The following ITCH variants were observed in gnomAD, a reference collection of about 807,000 sequenced individuals.
ITCH encodes the protein E3 ubiquitin-protein ligase Itchy homolog.
In ITCH, 28 loss-of-function variants were observed where a neutral mutation model predicts 126.8. The observed-to-expected ratio is 0.22, with a 90% confidence interval of 0.16 to 0.30. ITCH has a LOEUF of 0.30. ITCH is among the 10% of genes least tolerant of loss of function. The probability of loss-of-function intolerance (pLI) is 1.00; values close to 1 mark genes in which losing one functional copy is unlikely to be tolerated. For missense variants in ITCH, 631 were observed against 1,032.4 expected, an observed-to-expected ratio of 0.61 and a Z score of 5.33; for synonymous variants, 342 against 340.0, an observed-to-expected ratio of 1.01 and a Z score of -0.06.
intron 14 of ITCH, among the ~76,000 whole-genome samples, chr20:34,467,059 A>G (rs1195299358): frequency 4.6e-5 from 7 of 152,200 alleles, no homozygotes; most frequent in Admixed American, 4.6e-4. Context: ...AAAAAGAGGG[A>G]CATCACTGTA....
intron 17 of ITCH, among the ~76,000 whole-genome samples, chr20:34,479,133 A>C (rs1341482893): frequency 6.6e-6 from 1 of 152,202 alleles, no homozygotes; most frequent in Non-Finnish European, 1.5e-5. Flanking sequence ...TGAAATTGGA[A>C]GAATTTTCAT....
chr20:34,403,846 A>T (rs1230799512), intron 3 of ITCH, among the ~76,000 whole-genome samples: 1 of 152,212 alleles, frequency 6.6e-6, no homozygotes, highest in Non-Finnish European at 1.5e-5. Flanking sequence ...CAGCATGTTT[A>T]GAGGAATGAA....
At chr20:34,417,711 T>TTC (rs1194620827) in intron 6 of ITCH, among the ~76,000 whole-genome samples, 1 of 148,736 alleles carries the variant, frequency 6.7e-6, no homozygotes, top group Non-Finnish European at 1.5e-5. Context: ...AGCTTTTTTT[T>TTC]TTTTTTTTTT....
chr20:34,461,031 C>G (rs1211650651), intron 13 of ITCH, among the ~76,000 whole-genome samples: 1 of 151,974 alleles, frequency 6.6e-6, no homozygotes, highest in Non-Finnish European at 1.5e-5. Flanking sequence ...TTAAAAGAAT[C>G]TTTTTTTGAG....
chr20:34,450,012 C>T (rs1012074730), intron 12 of ITCH, among the ~76,000 whole-genome samples: 22 of 152,138 alleles, frequency 1.4e-4, no homozygotes, highest in Admixed American at 2.6e-4. Flanking sequence ...CCATCAAGAT[C>T]CACAAGATGA....
chr20:34,495,953 C>G (rs982529046), intron 23 of ITCH, among the ~76,000 whole-genome samples: 3 of 143,110 alleles, frequency 2.1e-5, no homozygotes, highest in Admixed American at 1.4e-4. Context: ...AAAAAATTAG[C>G]TGAGAGTGGT....
intron 3 of ITCH, among the ~76,000 whole-genome samples, chr20:34,396,040 T>A (rs923999218): frequency 1.3e-5 from 2 of 150,718 alleles, no homozygotes; most frequent in Non-Finnish European, 1.5e-5. Context: ...TTATTATTTT[T>A]TTTTTTTTTT....
intron 10 of ITCH, among the ~76,000 whole-genome samples, chr20:34,443,339 G>A (rs1204015529): frequency 2.0e-5 from 3 of 151,674 alleles, no homozygotes; most frequent in East Asian, 1.9e-4. Flanking sequence ...TTGAAACCCC[G>A]TCTCTACTAA....
At chr20:34,414,373 T>A (rs952215691) in intron 6 of ITCH, among the ~76,000 whole-genome samples, 2 of 151,528 alleles carry the variant, frequency 1.3e-5, no homozygotes, top group African/African-American at 2.4e-5. Flanking sequence ...ATGGGTTAGA[T>A]GCCACACCGC....
At chr20:34,412,422 A>G in intron 4 of ITCH, 93 bp from the exon 5 acceptor site, 1 of 956,884 alleles carries the variant, frequency 1.0e-6, no homozygotes, top group East Asian at 2.6e-5. Flanking sequence ...CAGTGAGAAG[A>G]CTTTAGACTT....
intron 10 of ITCH, among the ~76,000 whole-genome samples, chr20:34,443,747 G>T (rs1056107762): frequency 3.3e-5 from 5 of 152,120 alleles, no homozygotes; most frequent in Non-Finnish European, 7.4e-5. Context: ...CACTTTGGGG[G>T]GACAAGGTAG....
chr20:34,370,894 C>A (rs1049647353), intron 2 of ITCH, among the ~76,000 whole-genome samples: 1 of 151,942 alleles, frequency 6.6e-6, no homozygotes, highest in Non-Finnish European at 1.5e-5. Flanking sequence ...TGAGGCTGGG[C>A]GCGGTGGCTC....
In ITCH at chr20:34,492,560, C is replaced by T. The variant is rs776612043; in HGVS notation, c.2379C>T (p.Thr793=). 3 of 1,612,916 alleles carry T rather than the reference C, an allele frequency of 1.9e-6. No homozygotes were observed. The highest frequency in any genetic ancestry group is 2.2e-5 in the East Asian group (1 of 44,870). Residue 793 remains threonine (T), a synonymous_variant, in exon 23 of 25, where the codon ACC becomes ACT. Coordinates refer to ENST00000374864, the MANE Select transcript of ITCH (RefSeq NM_031483.7). ...GACTTCTGCAGTTTGTTACTGGAAC[C>T]TGCCGATTGCCAGTAGGAGGATTTG... ...RMRLLQFVTG[T]CRLPVGGFAD... is the part of the protein sequence containing the mutation.
Position 34,510,879 on chromosome 20 carries a change from A to G in ITCH, c.*3085A>G, listed in dbSNP as rs1978725847. ...TCATCAAGAGATTGACATACCAATG[A>G]TCAGAAATTTTAGTGAAACTTGACT... On this transcript the variant is annotated 3_prime_UTR_variant, in exon 25 of 25. Transcript: ENST00000374864. 1 of 152,216 alleles carries G rather than the reference A, an allele frequency of 6.6e-6. No homozygotes were observed. The highest frequency in any genetic ancestry group is 1.5e-5 in the Non-Finnish European group (1 of 68,030). The allele number at this position is 152,216 out of a possible 1,614,324, so 9.4% of individuals were successfully genotyped here.
chr20:34,481,050 A>G lies in ITCH; in HGVS notation c.1953-16A>G, dbSNP rs759979991. 4.3e-6 allele frequency: 7 copies of G among 1,612,584 alleles called. 1 individual carries two copies. Among genetic ancestry groups the G allele is most frequent in the East Asian group, 2.2e-5 (1 of 44,740 alleles). The stretch of plus-strand genomic sequence containing the variant: ...ATTGGTGGATATAACAAATAGTGCT[A>G]ATTTCATTTGTGCAGGGAAAACAAT... On this transcript the variant is annotated splice_polypyrimidine_tract_variant and intron_variant, in intron 19 of 24. Coordinates refer to ENST00000374864, the MANE Select transcript of ITCH (RefSeq NM_031483.7).
chr20:34,444,533 A>G (rs981050329), intron 10 of ITCH, among the ~76,000 whole-genome samples: 1 of 152,190 alleles, frequency 6.6e-6, no homozygotes, highest in Non-Finnish European at 1.5e-5. Flanking sequence ...CGGTGAGCCA[A>G]GATCGCGCCA....
chr20:34,363,476 C>T (rs1354315304), intron 1 of ITCH, 127 bp downstream of exon 1: 1 of 152,582 alleles, frequency 6.6e-6, no homozygotes, highest in Non-Finnish European at 1.5e-5. Context: ...CGCGGCTGCT[C>T]CTTCTTCCAG....
chr20:34,463,392 T>A (rs1270202372), intron 14 of ITCH, among the ~76,000 whole-genome samples: 1 of 152,192 alleles, frequency 6.6e-6, no homozygotes, highest in African/African-American at 2.4e-5. Context: ...AGTATCTGTT[T>A]GAGTTCCTAC....
intron 12 of ITCH, among the ~76,000 whole-genome samples, chr20:34,456,644 AT>A (rs869074660): frequency 0.045 from 4,053 of 90,346 alleles, 155 homozygotes; most frequent in African/African-American, 0.12. Flanking sequence ...AAAAAAAAAA[AT>A]ATATATATAT....
Sources: allele counts gnomAD v4.1 joint callset (sites outside exome capture counted in the v4.1 genomes callset), GRCh38; gene constraint gnomAD v4.1.1; transcripts MANE v1.5; gene names NCBI Gene and HGNC (gene_info 2026-07-23, HGNC 2026-07-21).